The following CFAP95 variants were observed in gnomAD, a reference collection of about 807,000 sequenced individuals.
CFAP95 encodes cilia and flagella associated protein 95.
At chr9:69,878,599 G>T in the CFAP95 span, among the ~76,000 whole-genome samples, 5 of 152,186 alleles carry the variant, frequency 3.3e-5, no homozygotes, top group Non-Finnish European at 5.9e-5. Flanking sequence ...TGACCTGTAT[G>T]GTTTTGGAGG....
the CFAP95 span, among the ~76,000 whole-genome samples, chr9:69,829,094 CT>C: frequency 0.011 from 1,622 of 152,286 alleles, 9 homozygotes; most frequent in Middle Eastern, 0.024. Flanking sequence ...TTTAACCACC[CT>C]TTCATTCTCG....
At chr9:69,822,208 C>T in the CFAP95 span, among the ~76,000 whole-genome samples, 1 of 152,132 alleles carries the variant, frequency 6.6e-6, no homozygotes, top group Non-Finnish European at 1.5e-5. Context: ...GAAAAGAAGT[C>T]ACAAATCTTG....
the CFAP95 span, among the ~76,000 whole-genome samples, chr9:69,887,873 G>A: frequency 6.6e-6 from 1 of 152,210 alleles, no homozygotes; most frequent in Non-Finnish European, 1.5e-5. Flanking sequence ...AGGAACACTG[G>A]CAAGCTTGAC....
At chr9:69,844,510 T>C in the CFAP95 span, 3 of 1,576,696 alleles carry the variant, frequency 1.9e-6, no homozygotes, top group Admixed American at 2.0e-5. Flanking sequence ...CCTAATTTTT[T>C]CTTAAGGCAC....
chr9:69,855,017 C>T, the CFAP95 span, among the ~76,000 whole-genome samples: 7 of 152,280 alleles, frequency 4.6e-5, no homozygotes, highest in East Asian at 1.9e-4. Context: ...GGTTCCCACA[C>T]GTTTATAAAG....
chr9:69,835,031 C>G, the CFAP95 span, among the ~76,000 whole-genome samples: 1 of 152,158 alleles, frequency 6.6e-6, no homozygotes, highest in Non-Finnish European at 1.5e-5. Flanking sequence ...GTCTTTGATT[C>G]TATCGGTTTT....
At chr9:69,848,043 G>A in the CFAP95 span, among the ~76,000 whole-genome samples, 8 of 152,184 alleles carry the variant, frequency 5.3e-5, no homozygotes, top group Admixed American at 2.0e-4. Flanking sequence ...AATGCAAGAA[G>A]CCTCAAGAGG....
the CFAP95 span, among the ~76,000 whole-genome samples, chr9:69,872,326 T>C: frequency 1.3e-5 from 2 of 152,174 alleles, no homozygotes; most frequent in African/African-American, 4.8e-5. Flanking sequence ...TTTGGGTGAG[T>C]ATTAATTGTA....
the CFAP95 span, among the ~76,000 whole-genome samples, chr9:69,843,557 C>CCTTCTTCTT: frequency 3.0e-3 from 44 of 14,718 alleles, 1 homozygote; most frequent in South Asian, 5.4e-3. Context: ...TCCTCCTCCT[C>CCTTCTTCTT]CTTCTTCTTC....
At chr9:69,826,651 C>T in the CFAP95 span, among the ~76,000 whole-genome samples, 1 of 152,138 alleles carries the variant, frequency 6.6e-6, no homozygotes, top group African/African-American at 2.4e-5. Flanking sequence ...AATTTGTACA[C>T]ATTTTTAAGT....
chr9:69,859,345 T>G, the CFAP95 span, among the ~76,000 whole-genome samples: 1 of 151,072 alleles, frequency 6.6e-6, no homozygotes, highest in South Asian at 2.1e-4. Context: ...TTATAGGATC[T>G]TTTTTTTTGG....
At chr9:69,832,620 ATTTTTTTTTTTTTTTTT>A in the CFAP95 span, among the ~76,000 whole-genome samples, 5 of 11,344 alleles carry the variant, frequency 4.4e-4, 1 homozygote, top group Admixed American at 9.0e-3. Context: ...GTCTATTCGG[ATTTTTTTTTTTTTTTTT>A]TTTTTTTTTG....
the CFAP95 span, among the ~76,000 whole-genome samples, chr9:69,853,013 C>A: frequency 6.6e-6 from 1 of 152,098 alleles, no homozygotes; most frequent in Non-Finnish European, 1.5e-5. Flanking sequence ...TGTAAATTAC[C>A]CAGTCTTGGG....
the CFAP95 span, among the ~76,000 whole-genome samples, chr9:69,901,898 G>A: frequency 6.6e-6 from 1 of 152,106 alleles, no homozygotes; most frequent in Non-Finnish European, 1.5e-5. Flanking sequence ...GTGTGAGATG[G>A]TATCTCACTG....
the CFAP95 span, among the ~76,000 whole-genome samples, chr9:69,825,752 C>T: frequency 6.6e-6 from 1 of 152,180 alleles, no homozygotes. Flanking sequence ...CAAATTCTCT[C>T]ATGTGAGGCT....
the CFAP95 span, among the ~76,000 whole-genome samples, chr9:69,860,095 C>G: frequency 6.6e-6 from 1 of 152,166 alleles, no homozygotes; most frequent in African/African-American, 2.4e-5. Flanking sequence ...TTTATAAACG[C>G]TGTATACTTA....
chr9:69,857,428 T>C, the CFAP95 span, among the ~76,000 whole-genome samples: 1 of 152,240 alleles, frequency 6.6e-6, no homozygotes, highest in Non-Finnish European at 1.5e-5. Flanking sequence ...TCCATTGACT[T>C]GTTGAGACAT....
At chr9:69,904,838 T>A in the CFAP95 span, among the ~76,000 whole-genome samples, 1 of 152,234 alleles carries the variant, frequency 6.6e-6, no homozygotes, top group Non-Finnish European at 1.5e-5. Flanking sequence ...ACAGATATTA[T>A]GTAGCTCTGC....
At chr9:69,886,796 G>A in the CFAP95 span, 22 of 1,490,014 alleles carry the variant, frequency 1.5e-5, no homozygotes, top group Middle Eastern at 1.7e-4. Flanking sequence ...AATATTTTTC[G>A]TTTTTGAAGT....
Sources: gnomAD v4.1 joint callset for allele counts (sites outside exome capture counted in the v4.1 genomes callset) on GRCh38, gnomAD v4.1.1 for gene constraint, MANE v1.5 for transcripts, NCBI Gene and HGNC (gene_info 2026-07-23, HGNC 2026-07-21) for gene names.